Variants in ST6GALNAC3 observed in about 807,000 individuals in gnomAD.
ST6GALNAC3 encodes alpha-N-acetylgalactosaminide alpha-2,6-sialyltransferase 3.
Under a neutral mutation model 32.7 loss-of-function variants are expected in ST6GALNAC3, and 25 were observed. The observed-to-expected ratio is 0.76, with a 90% CI of 0.56 to 1.07. The LOEUF (loss-of-function observed/expected upper bound fraction) is 1.07, where lower values mean the gene tolerates loss of function less well. Ranked by LOEUF, ST6GALNAC3 falls within the 50% of genes least tolerant of loss-of-function variation. The probability of loss-of-function intolerance (pLI) is 0.00; values close to 1 mark genes in which losing one functional copy is unlikely to be tolerated. For synonymous variants in ST6GALNAC3, 129 were observed against 133.1 expected, an observed-to-expected ratio of 0.97 and a Z score of 0.21; for missense variants, 355 against 382.4, an observed-to-expected ratio of 0.93 and a Z score of 0.60.
At chr1:76,366,355 A>G (rs918391020) in intron 2 of ST6GALNAC3, among the ~76,000 whole-genome samples, 1 of 152,184 alleles carries the variant, frequency 6.6e-6, no homozygotes, top group Non-Finnish European at 1.5e-5. Context: ...TGAAGTACAT[A>G]CTATTTATCT....
At chr1:76,524,848 G>A (rs1255088191) in intron 3 of ST6GALNAC3, among the ~76,000 whole-genome samples, 1 of 150,960 alleles carries the variant, frequency 6.6e-6, no homozygotes, top group Non-Finnish European at 1.5e-5. Context: ...TTAATCATCT[G>A]GTCCCTCTAG....
chr1:76,481,280 G>A (rs1404364246), intron 3 of ST6GALNAC3, among the ~76,000 whole-genome samples: 1 of 152,140 alleles, frequency 6.6e-6, no homozygotes. Context: ...ATGTTGCTAG[G>A]AGAAACTGGA....
rs908554823 is a variant in ST6GALNAC3, at chr1:76,450,888, C to T, written c.623+38471C>T. Reference sequence around the variant, plus strand: ...TATTTGGCTTTATTTCTGGGTTCTACATTCTGTCCATTGGTCTATATGCCT... The same window carrying T: ...TATTTGGCTTTATTTCTGGGTTCTATATTCTGTCCATTGGTCTATATGCCT... On this transcript the variant is annotated intron_variant, in intron 3 of 4. Coordinates refer to ENST00000328299, the MANE Select transcript of ST6GALNAC3 (RefSeq NM_152996.4). 2.0e-5 allele frequency among the ~76,000 whole-genome samples: 3 copies of T among 152,106 alleles called. No homozygotes were observed. The East Asian group carries it at 5.8e-4, about 29-fold the overall frequency.
chr1:76,443,438 G>A (rs6670463), intron 3 of ST6GALNAC3, among the ~76,000 whole-genome samples: 37,176 of 152,108 alleles, frequency 0.24, 5,631 homozygotes, highest in Non-Finnish European at 0.32. Flanking sequence ...GATCCTACTC[G>A]GCCTTAAGAG....
rs747183252 is a variant in ST6GALNAC3, at chr1:76,597,939, G to A, written c.624-29513G>A. Among the ~76,000 whole-genome samples, 9 of 152,170 alleles carry A rather than the reference G, an allele frequency of 5.9e-5. No individual in the cohort carries two copies. The South Asian group carries it at 6.2e-4, about 11-fold the overall frequency. Reference sequence around the variant, plus strand: ...AGTTTAATTATGTATAACTGTCTTCGTTTATTTGGGGCACTAAAACAAAAA... The same window carrying A: ...AGTTTAATTATGTATAACTGTCTTCATTTATTTGGGGCACTAAAACAAAAA... On this transcript the variant is annotated intron_variant, in intron 3 of 4. Coordinates refer to ENST00000328299, the MANE Select transcript of ST6GALNAC3 (RefSeq NM_152996.4).
At chr1:76,516,125 G>A (rs1283542014) in intron 3 of ST6GALNAC3, among the ~76,000 whole-genome samples, 5 of 152,142 alleles carry the variant, frequency 3.3e-5, no homozygotes, top group Non-Finnish European at 5.9e-5. Context: ...TGCATATGCT[G>A]GAAAGCTGCA....
chr1:76,337,951 C>A (rs1647642675), intron 2 of ST6GALNAC3, among the ~76,000 whole-genome samples: 1 of 152,136 alleles, frequency 6.6e-6, no homozygotes, highest in Non-Finnish European at 1.5e-5. Context: ...AACAGTCACA[C>A]AGGCGCTCCA....
intron 1 of ST6GALNAC3, chr1:76,307,755 T>G (rs76783328): frequency 0.051 from 10,167 of 200,268 alleles, 342 homozygotes; most frequent in Non-Finnish European, 0.07. Context: ...ATTTTGTGGT[T>G]AAAGACTACT....
chr1:76,092,688 A>G lies in ST6GALNAC3; in HGVS notation c.18+17804A>G, dbSNP rs74626658. The stretch of plus-strand genomic sequence containing the variant: ...TGTAATATTCTGCAATTATTGTCGT[A>G]GAAGACTTCATAATTTTGAACAAGG... On this transcript the variant is annotated intron_variant, in intron 1 of 4. Coordinates refer to ENST00000328299, the MANE Select transcript of ST6GALNAC3 (RefSeq NM_152996.4). 8.1e-3 allele frequency among the ~76,000 whole-genome samples: 1,229 copies of G among 152,316 alleles called. 16 individuals carry two copies. Among genetic ancestry groups the G allele is most frequent in the African/African-American group, 0.028 (1,143 of 41,554 alleles).
intron 3 of ST6GALNAC3, among the ~76,000 whole-genome samples, chr1:76,521,073 C>A (rs1320006677): frequency 1.3e-5 from 2 of 151,768 alleles, no homozygotes; most frequent in African/African-American, 2.4e-5. Context: ...TTAAACAATT[C>A]TTTTAATGCC....
chr1:76,634,652 G>A (rs551708024), downstream of ST6GALNAC3: 1 of 137,504 alleles, frequency 7.3e-6, no homozygotes, highest in Non-Finnish European at 1.6e-5. Flanking sequence ...GTAAGGATAT[G>A]TTAATAAAGC....
downstream of ST6GALNAC3, among the ~76,000 whole-genome samples, chr1:76,635,345 CA>C (rs989405779): frequency 6.6e-6 from 1 of 152,160 alleles, no homozygotes; most frequent in Non-Finnish European, 1.5e-5. Context: ...GAAATGATCT[CA>C]AAATGAGAGT....
intron 1 of ST6GALNAC3, among the ~76,000 whole-genome samples, chr1:76,207,850 T>C (rs934723241): frequency 1.2e-4 from 19 of 152,236 alleles, no homozygotes; most frequent in Non-Finnish European, 2.4e-4. Context: ...CCATAGTCCA[T>C]ATTCTTTACT....
chr1:76,216,128 T>A (rs917271506), intron 1 of ST6GALNAC3, among the ~76,000 whole-genome samples: 1 of 152,202 alleles, frequency 6.6e-6, no homozygotes, highest in Admixed American at 6.5e-5. Flanking sequence ...TTGCACTTGC[T>A]GTTCTTCTTG....
intron 1 of ST6GALNAC3, among the ~76,000 whole-genome samples, chr1:76,288,579 G>A (rs1434115597): frequency 2.6e-5 from 4 of 152,230 alleles, no homozygotes; most frequent in Non-Finnish European, 5.9e-5. Context: ...GGTGGTGCAA[G>A]CAGTAACTGC....
intron 1 of ST6GALNAC3, among the ~76,000 whole-genome samples, chr1:76,075,404 T>C (rs1646800993): frequency 6.6e-6 from 1 of 152,206 alleles, no homozygotes; most frequent in Non-Finnish European, 1.5e-5. Context: ...TTCTATGAGA[T>C]CTGCTAGCTC....
chr1:76,237,664 A>G (rs1232972425), intron 1 of ST6GALNAC3, among the ~76,000 whole-genome samples: 1 of 152,204 alleles, frequency 6.6e-6, no homozygotes, highest in Non-Finnish European at 1.5e-5. Flanking sequence ...TCTCATGGGA[A>G]TTCAGACTAG....
intron 3 of ST6GALNAC3, among the ~76,000 whole-genome samples, chr1:76,619,470 T>G (rs1648500743): frequency 6.6e-6 from 1 of 152,096 alleles, no homozygotes; most frequent in Admixed American, 6.5e-5. Context: ...CATCATACAT[T>G]TTTAATTGTT....
At chr1:76,267,524 G>T (rs1031438535) in intron 1 of ST6GALNAC3, among the ~76,000 whole-genome samples, 4 of 152,224 alleles carry the variant, frequency 2.6e-5, no homozygotes, top group African/African-American at 9.6e-5. Flanking sequence ...ATCTGAAAAT[G>T]AAATACAGAT....
Sources: allele counts gnomAD v4.1 joint callset (sites outside exome capture counted in the v4.1 genomes callset), GRCh38; gene constraint gnomAD v4.1.1; transcripts MANE v1.5; gene names NCBI Gene and HGNC (gene_info 2026-07-23, HGNC 2026-07-21).